Variants in GUK1 observed in about 807,000 individuals in gnomAD.
The protein encoded by GUK1 is guanylate kinase 1, also known as guanylate kinase.
GUK1 carries 18 observed loss-of-function variants against 25.2 expected under a neutral mutation model. The observed-to-expected ratio is 0.71, with a 90% CI of 0.49 to 1.06. The LOEUF (loss-of-function observed/expected upper bound fraction) is 1.06, where lower values mean the gene tolerates loss of function less well. Ranked by LOEUF, GUK1 falls within the 50% of genes least tolerant of loss-of-function variation. GUK1 has a pLI of 0.00. For missense variants in GUK1, 261 were observed against 276.7 expected (o/e 0.94, Z 0.40); for synonymous variants, 105 against 117.6 (o/e 0.89, Z 0.69).
At chr1:228,140,243 C>T (rs2033964110), upstream of GUK1, 2 of 1,386,450 alleles carry the variant, frequency 1.4e-6, no homozygotes, top group Non-Finnish European at 2.0e-6. Flanking sequence ...CGCGCGCGGG[C>T]GGAGGTGGGC....
intron 2 of GUK1, among the ~76,000 whole-genome samples, chr1:228,142,251 C>G (rs1245032204): frequency 1.3e-5 from 2 of 152,268 alleles, no homozygotes; most frequent in Admixed American, 6.5e-5. Context: ...TGTGCCCTCA[C>G]GCTTGGGCAG....
intron 1 of GUK1, chr1:228,141,057 C>G (rs867725093): frequency 5.4e-6 from 4 of 734,768 alleles, no homozygotes; most frequent in Middle Eastern, 6.8e-4. Flanking sequence ...TGAAAGAGGT[C>G]GGTCCTGAGG....
intron 8 of GUK1, 79 bp downstream of exon 7, chr1:228,148,535 C>G: frequency 7.2e-7 from 1 of 1,386,232 alleles, no homozygotes; most frequent in Non-Finnish European, 1.0e-6. Context: ...CATGAGGCCA[C>G]TGAGGTTAGA....
chr1:228,143,790 A>G (rs571369824), intron 2 of GUK1, among the ~76,000 whole-genome samples: 1 of 152,216 alleles, frequency 6.6e-6, no homozygotes, highest in Non-Finnish European at 1.5e-5. Flanking sequence ...CGCAGGGGCA[A>G]ATTCTGCGGG....
chr1:228,142,416 C>A (rs2034111936), intron 2 of GUK1, among the ~76,000 whole-genome samples: 2 of 152,282 alleles, frequency 1.3e-5, no homozygotes, highest in South Asian at 4.1e-4. Flanking sequence ...TGGACCCCTG[C>A]CTGGCAGCAG....
chr1:228,148,168 CAG>C, intron 7 of GUK1: 1 of 663,510 alleles, frequency 1.5e-6, no homozygotes, highest in African/African-American at 1.8e-5. Context: ...TCTGGGGCTC[CAG>C]AGAGAGCAGG....
chr1:228,145,816 C>A, intron 3 of GUK1, 192 bp downstream of exon 2: 1 of 733,264 alleles, frequency 1.4e-6, no homozygotes, highest in Non-Finnish European at 2.3e-6. Context: ...CTGTGTCTCC[C>A]TTCCCTGGGT....
In GUK1 at chr1:228,148,716, G is replaced by T. The variant is rs186348202; in HGVS notation, c.*19G>T. 6.2e-7 allele frequency: 1 copy of T among 1,607,830 alleles called. No individual in the cohort carries two copies. Among genetic ancestry groups the T allele is most frequent in the South Asian group, 1.1e-5 (1 of 91,070 alleles). ...CGCCTGAGGCTTGCTGTCTGTTCTCGGCACCCCGGGCCCATACAGGACCAG... is the reference window on the plus strand; with the variant it reads ...CGCCTGAGGCTTGCTGTCTGTTCTCTGCACCCCGGGCCCATACAGGACCAG... On this transcript the variant is annotated 3_prime_UTR_variant, in exon 9 of 9. Transcript: ENST00000312726.
intron 2 of GUK1, chr1:228,144,659 C>T (rs1450916384): frequency 7.6e-6 from 7 of 920,254 alleles, no homozygotes; most frequent in Non-Finnish European, 7.8e-6. Context: ...CAGAAGCAGG[C>T]GTAGTGGGGA....
At chr1:228,143,691 G>A (rs1412236603) in intron 2 of GUK1, among the ~76,000 whole-genome samples, 2 of 152,232 alleles carry the variant, frequency 1.3e-5, no homozygotes, top group Non-Finnish European at 2.9e-5. Context: ...GGCCACTGCA[G>A]TGCGTGCTGA....
intron 1 of GUK1, among the ~76,000 whole-genome samples, 169 bp downstream of exon 1, chr1:228,140,532 G>T (rs1186151384): frequency 6.6e-6 from 1 of 152,240 alleles, no homozygotes; most frequent in Admixed American, 6.5e-5. Flanking sequence ...GAGGGCGGAC[G>T]GGCTGGCAAC....
chr1:228,140,186 A>C, upstream of GUK1: 1 of 828,514 alleles, frequency 1.2e-6, no homozygotes, highest in Non-Finnish European at 1.9e-6. Flanking sequence ...GGGGCGGGGA[A>C]GAACGAGTGA....
In GUK1 at chr1:228,141,160, A is replaced by G; in HGVS notation, c.-131A>G. On this transcript the variant is annotated 5_prime_UTR_variant, in exon 2 of 9. Coordinates refer to ENST00000312726, the MANE Select transcript of GUK1 (RefSeq NM_000858.7). ...TCTTTACCTGGGGTTGCTGTCGAGG[A>G]CCCTGTGCAAGACTCGGCCGGTTTT... 1.0e-6 allele frequency: 1 copy of G among 985,336 alleles called. No individual in the cohort carries two copies. Among genetic ancestry groups the G allele is most frequent in the Non-Finnish European group, 1.2e-6 (1 of 830,054 alleles). 61.0% of individuals were successfully genotyped at this position (985,336 alleles called of 1,614,324 possible).
At chr1:228,144,452 C>T (rs1213182995) in intron 2 of GUK1, 1 of 152,364 alleles carries the variant, frequency 6.6e-6, no homozygotes, top group African/African-American at 2.4e-5. Flanking sequence ...CCCATCCCAA[C>T]TCGAAGACGC....
chr1:228,148,412 A>G lies in GUK1; in HGVS notation c.517A>G (p.Ser173Gly). ...GTTTGATGTGGTCATCATTAACGAC[A>G]GCCTGGACCAGGCCTACGCAGAGCT... The change falls in exon 8 of 9, where the codon AGC (serine) becomes GGC (glycine). Residue 173 changes from serine to glycine, a missense_variant. Transcript: ENST00000312726. 6.4e-7 allele frequency: 1 copy of G among 1,560,294 alleles called. No individual in the cohort carries two copies. The highest frequency in any genetic ancestry group is 8.7e-7 in the Non-Finnish European group (1 of 1,148,832).
chr1:228,141,107 GC>G lies in GUK1; in HGVS notation c.-167-13del. 1.0e-6 allele frequency: 1 copy of G among 983,726 alleles called. No homozygotes were observed. The highest frequency in any genetic ancestry group is 1.2e-6 in the Non-Finnish European group (1 of 828,342). The allele number at this position is 983,726 out of a possible 1,614,324, so 60.9% of individuals were successfully genotyped here. On this transcript the variant is annotated splice_polypyrimidine_tract_variant and intron_variant, in intron 1 of 8. Coordinates refer to ENST00000312726, the MANE Select transcript of GUK1 (RefSeq NM_000858.7). Reference sequence around the variant, plus strand: ...CTGCTCTGCTGTCTTTGGGCTCATGGCCCCTTCCTGTCTCAGGCTTGCTCTG... The same window carrying G: ...CTGCTCTGCTGTCTTTGGGCTCATGGCCCTTCCTGTCTCAGGCTTGCTCTG...
chr1:228,146,586 A>C, intron 4 of GUK1: 2 of 522,710 alleles, frequency 3.8e-6, no homozygotes, highest in Non-Finnish European at 3.5e-6. Context: ...CCCCATCACC[A>C]CCAACTCCCA....
At position 228,147,394 on chromosome 1, in the gene GUK1, ACCTCTCC is replaced by A; in HGVS notation, c.252-9_252-3del. ...GCCCTGGCACCCCTGCTGACCTGGC[ACCTCTCC>A]CCAGCAAGGTGGCGGTGCAGGCCGT... On this transcript the variant is annotated splice_region_variant and splice_polypyrimidine_tract_variant and intron_variant, in intron 5 of 8. Transcript: ENST00000312726. 1 of 1,606,638 alleles carries A rather than the reference ACCTCTCC, an allele frequency of 6.2e-7. No homozygotes were observed. The highest frequency in any genetic ancestry group is 1.3e-5 in the African/African-American group (1 of 74,822).
At chr1:228,143,828 A>G (rs1388458303) in intron 2 of GUK1, among the ~76,000 whole-genome samples, 1 of 152,164 alleles carries the variant, frequency 6.6e-6, no homozygotes, top group Non-Finnish European at 1.5e-5. Context: ...CATGGGGTGC[A>G]TGGTGAGATG....
Sources: gnomAD v4.1 joint callset for allele counts (sites outside exome capture counted in the v4.1 genomes callset) on GRCh38, gnomAD v4.1.1 for gene constraint, MANE v1.5 for transcripts, NCBI Gene and HGNC (gene_info 2026-07-23, HGNC 2026-07-21) for gene names.